Variants in IFI16 observed in about 807,000 individuals in gnomAD.
IFI16 encodes the protein gamma-interferon-inducible protein 16.
A neutral mutation model predicts 68.4 loss-of-function variants in IFI16; 49 were observed. That is an observed-to-expected ratio of 0.72 (90% CI 0.57 to 0.91). IFI16 has a LOEUF of 0.91. IFI16 is among the 40% of genes least tolerant of loss of function. The pLI is 0.00. For synonymous variants in IFI16, 307 were observed against 315.0 expected (o/e 0.97, Z 0.27); for missense variants, 878 against 942.9 (o/e 0.93, Z 0.90).
chr1:159,047,305 T>C (rs1243348537), intron 8 of IFI16, among the ~76,000 whole-genome samples: 2 of 150,514 alleles, frequency 1.3e-5, no homozygotes. Flanking sequence ...AGATTTCATA[T>C]TTCCCCCTAT....
chr1:159,052,559 GAATGCAGC>G (rs1655430048), intron 10 of IFI16: 4 of 157,902 alleles, frequency 2.5e-5, no homozygotes, highest in Non-Finnish European at 5.6e-5. Context: ...CTCTGCTTTA[GAATGCAGC>G]TATGTCTAAC....
At chr1:159,035,579 A>G (rs770982356) in intron 7 of IFI16, among the ~76,000 whole-genome samples, 1 of 152,194 alleles carries the variant, frequency 6.6e-6, no homozygotes, top group African/African-American at 2.4e-5. Flanking sequence ...GCAGCCATTT[A>G]TTCTTGGGTG....
Position 159,049,742 on chromosome 1 carries a change from T to G in IFI16, c.1665+143T>G. The G allele has an allele frequency of 1.4e-5, 12 of 865,970 alleles. No homozygotes were observed. In the South Asian group the frequency reaches 2.2e-4, roughly 16 times the overall value. 53.6% of individuals were successfully genotyped at this position (865,970 alleles called of 1,614,324 possible). ...ATCAGTCATTTATTTATCAAGTGTGTATTTTGAGGTCCTATCCAAAATTAA... is the reference window on the plus strand; with the variant it reads ...ATCAGTCATTTATTTATCAAGTGTGGATTTTGAGGTCCTATCCAAAATTAA... On this transcript the variant is annotated intron_variant, in intron 9 of 11. Coordinates refer to ENST00000295809, the MANE Select transcript of IFI16 (RefSeq NM_001376587.1).
intron 5 of IFI16, 32 bp from the exon 6 acceptor site, chr1:159,020,309 C>T (rs1364923718): frequency 2.0e-6 from 3 of 1,514,882 alleles, no homozygotes; most frequent in Admixed American, 3.6e-5. Context: ...TAATTACATT[C>T]TCAGGAACAG....
intron 10 of IFI16, 44 bp downstream of exon 10, chr1:159,052,142 C>T: frequency 6.7e-7 from 1 of 1,502,248 alleles, no homozygotes. Flanking sequence ...CTGCAACCTC[C>T]AATTTTTAAA....
chr1:159,008,669 A>G (rs1342584954), upstream of IFI16, among the ~76,000 whole-genome samples: 4 of 152,294 alleles, frequency 2.6e-5, no homozygotes, highest in African/African-American at 9.6e-5. Context: ...GGCCAACTCA[A>G]TGTATCCACG....
At chr1:159,013,521 C>G (rs1652718724) in intron 1 of IFI16, among the ~76,000 whole-genome samples, 1 of 152,086 alleles carries the variant, frequency 6.6e-6, no homozygotes, top group Non-Finnish European at 1.5e-5. Context: ...AGACATCATT[C>G]CTAAAATTAA....
chr1:159,033,976 C>G (rs1654165391), intron 7 of IFI16, among the ~76,000 whole-genome samples: 1 of 152,076 alleles, frequency 6.6e-6, no homozygotes, highest in South Asian at 2.1e-4. Flanking sequence ...TAAAAATAGT[C>G]AAAATAAAGG....
chr1:159,048,753 T>G (rs1457391602), intron 8 of IFI16, among the ~76,000 whole-genome samples: 1 of 151,544 alleles, frequency 6.6e-6, no homozygotes, highest in African/African-American at 2.4e-5. Context: ...TTAGTTTAAT[T>G]AAAGGTAGTC....
intron 7 of IFI16, among the ~76,000 whole-genome samples, chr1:159,040,746 C>T (rs563380265): frequency 2.0e-5 from 3 of 152,252 alleles, no homozygotes; most frequent in Admixed American, 6.5e-5. Flanking sequence ...GCTTGTTGGG[C>T]ATTTACTAGG....
chr1:159,038,105 T>C (rs560341668), intron 7 of IFI16, among the ~76,000 whole-genome samples: 2 of 152,280 alleles, frequency 1.3e-5, no homozygotes, highest in East Asian at 3.9e-4. Flanking sequence ...TCATATCTAG[T>C]TTTAGTCAAG....
At chr1:159,001,863 C>A (rs963881800), upstream of IFI16, among the ~76,000 whole-genome samples, 1 of 151,788 alleles carries the variant, frequency 6.6e-6, no homozygotes, top group Non-Finnish European at 1.5e-5. Context: ...AAATGTATAC[C>A]CAAAGAAAAT....
rs764617522 is a variant in IFI16 at position 159,015,877 on chromosome 1, G to A, written c.271G>A (p.Gly91Arg). The A allele has an allele frequency of 6.8e-6, 11 of 1,610,386 alleles. No homozygotes were observed. Among genetic ancestry groups the A allele is most frequent in the Admixed American group, 1.7e-5 (1 of 59,882 alleles). The change falls in exon 3 of 12, where the codon GGA (glycine) becomes AGA (arginine). Residue 91 changes from glycine to arginine, a missense_variant. Around this residue, in one of 4 missense-constraint regions of IFI16, gnomAD observed 443 missense variants for 421.8 expected, o/e 1.05. Transcript: ENST00000295809. ...TAAAATTGAATCTATTCCAGTAAAAGGACCAGCCCTATCAAGAAAGAGGAA... is the reference window on the plus strand; with the variant it reads ...TAAAATTGAATCTATTCCAGTAAAAAGACCAGCCCTATCAAGAAAGAGGAA... ...TLKKEKLKVK[G>R]PALSRKRKKE...
intron 10 of IFI16, 25 bp from the exon 11 acceptor site, chr1:159,053,508 G>A: frequency 4.1e-6 from 6 of 1,478,558 alleles, no homozygotes; most frequent in Non-Finnish European, 5.6e-6. Flanking sequence ...AGTTTCAGAA[G>A]ATAAGTGTTA....
chr1:159,013,219 A>G (rs962900228), intron 1 of IFI16, among the ~76,000 whole-genome samples: 3 of 111,220 alleles, frequency 2.7e-5, no homozygotes, highest in Admixed American at 1.4e-4. Flanking sequence ...CCCAGGCTGG[A>G]GTGTAGTGGC....
chr1:159,018,736 T>C (rs1653104477), intron 5 of IFI16, 85 bp downstream of exon 5: 1 of 938,762 alleles, frequency 1.1e-6, no homozygotes, highest in Admixed American at 2.3e-5. Flanking sequence ...GCTTTGCCTA[T>C]AAACTGGATA....
intron 7 of IFI16, among the ~76,000 whole-genome samples, chr1:159,033,192 A>T (rs1654115678): frequency 6.6e-6 from 1 of 152,194 alleles, no homozygotes; most frequent in African/African-American, 2.4e-5. Context: ...GCCAACTTAA[A>T]TGTTTTCCTC....
upstream of IFI16, chr1:159,009,830 C>G (rs1182430113): frequency 1.3e-5 from 2 of 152,180 alleles, no homozygotes; most frequent in Non-Finnish European, 2.9e-5. Context: ...TGCCAGGAAA[C>G]TGTTCATTTT....
At chr1:159,037,227 G>GCC (rs1557875692) in intron 7 of IFI16, among the ~76,000 whole-genome samples, 1 of 152,156 alleles carries the variant, frequency 6.6e-6, no homozygotes, top group African/African-American at 2.4e-5. Context: ...TGCAGCCATA[G>GCC]GAATCATTAT....
Sources: gnomAD v4.1 joint callset for allele counts (sites outside exome capture counted in the v4.1 genomes callset) on GRCh38, gnomAD v4.1.1 for gene constraint, gnomAD v4.1.1 regional missense constraint, MANE v1.5 for transcripts, NCBI Gene and HGNC (gene_info 2026-07-23, HGNC 2026-07-21) for gene names.